Variants in ARHGEF18 observed in about 807,000 individuals in gnomAD.
The protein encoded by ARHGEF18 is Rho/Rac guanine nucleotide exchange factor 18, also known as rho guanine nucleotide exchange factor 18.
ARHGEF18 carries 93 observed loss-of-function variants against 155.7 expected under a neutral mutation model. The observed-to-expected ratio is 0.60, with a 90% CI of 0.50 to 0.71. ARHGEF18 has a LOEUF of 0.71. ARHGEF18 is among the 30% of genes least tolerant of loss of function. The pLI, the probability that ARHGEF18 is intolerant of heterozygous loss-of-function variation, is 0.00. For missense variants in ARHGEF18, 1,593 were observed against 1,816.1 expected (o/e 0.88, Z 2.23); for synonymous variants, 742 against 753.1 (o/e 0.99, Z 0.24).
rs916335135 is a variant in ARHGEF18, at chr19:7,409,768, CTT to C, written c.967+26580_967+26581del. On this transcript the variant is annotated intron_variant, in intron 10 of 28. Coordinates refer to ENST00000668164, the MANE Select transcript of ARHGEF18 (RefSeq NM_001367823.1). ...GTGAGGGGTTTTTCTTTCTTTCTTT[CTT>C]TTTTTTTTTTTTTTATTGAGATGGA... Among the ~76,000 whole-genome samples the C allele has an allele frequency of 9.1e-3, 209 of 23,084 alleles. 6 individuals are homozygous for C. The East Asian group carries it at 0.13, about 15-fold the overall frequency. 15.1% of individuals were successfully genotyped at this position (23,084 alleles called of 152,430 possible). A position where few individuals can be genotyped will look rare whatever the true frequency, so the allele number is the denominator to read the frequency against.
chr19:7,441,765 G>A lies in ARHGEF18; in HGVS notation c.1219G>A (p.Asp407Asn). 2 of 1,614,080 alleles carry A rather than the reference G, an allele frequency of 1.2e-6. No homozygotes were observed. The highest frequency in any genetic ancestry group is 1.7e-6 in the Non-Finnish European group (2 of 1,179,958). Residue 407 changes from aspartate to asparagine, a missense_variant and splice_region_variant, in exon 12 of 29, where the codon GAT (aspartate) becomes AAT (asparagine). By Grantham distance (23) the Asp-to-Asn change is conservative. Coordinates refer to ENST00000668164, the MANE Select transcript of ARHGEF18 (RefSeq NM_001367823.1). ...AAACACCGAGTCCATTTTTGTAGAAGGTATGGTCATCTCCGCTCTCTCGCG... is the reference window on the plus strand; with the variant it reads ...AAACACCGAGTCCATTTTTGTAGAAAGTATGGTCATCTCCGCTCTCTCGCG... The part of the protein sequence containing the change: ...SPNTESIFVE[D>N]PYTASLRSEI...
rs1208053193 is a variant in ARHGEF18, at chr19:7,459,938, C to T, written c.2396C>T (p.Pro799Leu). 2 of 1,589,724 alleles carry T rather than the reference C, an allele frequency of 1.3e-6. No individual in the cohort carries two copies. The highest frequency in any genetic ancestry group is 1.7e-6 in the Non-Finnish European group (2 of 1,168,174). Residue 799 changes from proline to leucine, a missense_variant, in exon 20 of 29, where the codon CCC becomes CTC. By Grantham distance (98) the Pro-to-Leu change is moderately conservative. Transcript: ENST00000668164. Reference sequence around the variant, plus strand: ...GAGGAGGAGGGGCCCTTCAGCCTGCCCGAAGAGGAAAGGAAGGTGGTCGAG... The same window carrying T: ...GAGGAGGAGGGGCCCTTCAGCCTGCTCGAAGAGGAAAGGAAGGTGGTCGAG... ...PDEEEGPFSL[P>L]EEERKVVEAR...
intron 15 of ARHGEF18, among the ~76,000 whole-genome samples, chr19:7,448,228 C>T (rs1173747955): frequency 2.0e-5 from 3 of 152,084 alleles, no homozygotes; most frequent in South Asian, 2.1e-4. Context: ...AGGAGGGTTA[C>T]TCCAGATGGG....
At chr19:7,363,262 G>A (rs1969706823) in intron 2 of ARHGEF18, among the ~76,000 whole-genome samples, 1 of 151,892 alleles carries the variant, frequency 6.6e-6, no homozygotes, top group Non-Finnish European at 1.5e-5. Context: ...AAGGGTGGCT[G>A]GGTGGATGAA....
chr19:7,433,394 G>T (rs1478271447), intron 10 of ARHGEF18, among the ~76,000 whole-genome samples: 1 of 151,562 alleles, frequency 6.6e-6, no homozygotes, highest in Non-Finnish European at 1.5e-5. Flanking sequence ...TTGAACCCAG[G>T]AGGCGGGGTT....
chr19:7,462,868 G>A lies in ARHGEF18; in HGVS notation c.2635+534G>A, dbSNP rs534295031. Among the ~76,000 whole-genome samples, 8 of 134,662 alleles carry A rather than the reference G, an allele frequency of 5.9e-5. No homozygotes were observed. Among genetic ancestry groups the A allele is most frequent in the African/African-American group, 1.7e-4 (6 of 34,808 alleles). 88.3% of individuals were successfully genotyped at this position (134,662 alleles called of 152,430 possible). On this transcript the variant is annotated intron_variant, in intron 21 of 28. Transcript: ENST00000668164. This position sits in a 1 kb window ranked among gnomAD's most constrained non-coding sequence, Gnocchi z 4.4. ...TTTTTTTTTTTTGAGATGGAGTCTC[G>A]CTTTGTCACCCAGGCTGGAGTGCAG...
chr19:7,453,940 G>C (rs111483155), intron 17 of ARHGEF18, among the ~76,000 whole-genome samples: 1 of 152,104 alleles, frequency 6.6e-6, no homozygotes, highest in Non-Finnish European at 1.5e-5. Context: ...TTTTTTATTG[G>C]TGGGTGCCAT....
intron 22 of ARHGEF18, among the ~76,000 whole-genome samples, chr19:7,464,340 T>C (rs1976483557): frequency 6.6e-6 from 1 of 152,096 alleles, no homozygotes; most frequent in African/African-American, 2.4e-5. Context: ...ACCCAGCCGA[T>C]TTTCTGGAAC....
chr19:7,440,075 G>A lies in ARHGEF18; in HGVS notation c.968-269G>A. On this transcript the variant is annotated intron_variant, in intron 10 of 28. Transcript: ENST00000668164. This position sits in a 1 kb window ranked among gnomAD's most constrained non-coding sequence, Gnocchi z 5.4. ...ACGGCGCAGCCCAGCCTGGCGCCGC[G>A]CCGGGTCCCGGAGCCCCGGGCGCGA... The A allele has an allele frequency of 6.5e-7, 1 of 1,550,384 alleles. No individual in the cohort carries two copies. The highest frequency in any genetic ancestry group is 8.7e-7 in the Non-Finnish European group (1 of 1,146,562).
At position 7,355,068 on chromosome 19, in the gene ARHGEF18, TCACACA is replaced by T. The variant is rs60457716; in HGVS notation, c.-111+5868_-111+5873del. Among the ~76,000 whole-genome samples the T allele has an allele frequency of 6.0e-3, 882 of 146,618 alleles. 10 individuals are homozygous for T. The highest frequency in any genetic ancestry group is 0.037 in the East Asian group (180 of 4,908). On this transcript the variant is annotated intron_variant, in intron 1 of 28. Transcript: ENST00000668164. ...CTGACCTCACGGATACCAATGGGCT[TCACACA>T]CACACACACACACACACACACACAC...
Position 7,395,017 on chromosome 19 carries a change from A to G in ARHGEF18, c.967+11814A>G, listed in dbSNP as rs1458603980. On this transcript the variant is annotated intron_variant, in intron 10 of 28. Transcript: ENST00000668164. The surrounding 1 kb of genome is among the most constrained non-coding windows in gnomAD (Gnocchi z 5.0). The stretch of plus-strand genomic sequence containing the variant: ...CCACGGCTCGGGGAGCAGCAGCCCC[A>G]GGTCCCCGGGAGCGCCCCGCCCTCG... 5.6e-5 allele frequency: 55 copies of G among 978,990 alleles called. No homozygotes were observed. Among genetic ancestry groups the G allele is most frequent in the Non-Finnish European group, 6.7e-5 (55 of 824,350 alleles). The allele number at this position is 978,990 out of a possible 1,614,324, so 60.6% of individuals were successfully genotyped here.
intron 2 of ARHGEF18, among the ~76,000 whole-genome samples, chr19:7,371,194 C>G (rs114027868): frequency 3.9e-3 from 598 of 152,234 alleles, no homozygotes; most frequent in African/African-American, 0.013. Flanking sequence ...GCCACCACGC[C>G]AGGCCTGGTC....
chr19:7,461,016 C>T (rs1976212955), intron 20 of ARHGEF18, among the ~76,000 whole-genome samples: 1 of 151,710 alleles, frequency 6.6e-6, no homozygotes, highest in Non-Finnish European at 1.5e-5. Context: ...CTCAATCTCT[C>T]GACCTCGTGA....
intron 2 of ARHGEF18, among the ~76,000 whole-genome samples, chr19:7,364,958 G>C (rs574281234): frequency 6.6e-6 from 1 of 152,144 alleles, no homozygotes; most frequent in South Asian, 2.1e-4. Context: ...GCCCAGGAAG[G>C]GGGCTGAGAA....
intron 10 of ARHGEF18, among the ~76,000 whole-genome samples, chr19:7,385,833 A>ATCTCTCTCTCTCTCTCTCTC (rs762196307): frequency 7.7e-5 from 4 of 51,972 alleles, no homozygotes; most frequent in Non-Finnish European, 1.1e-4. Flanking sequence ...ATCTCTCTCT[A>ATCTCTCTCTCTCTCTCTCTC]TCTCTCTCTC....
intron 10 of ARHGEF18, among the ~76,000 whole-genome samples, chr19:7,398,181 C>T (rs2432106): frequency 0.16 from 23,970 of 151,866 alleles, 4,003 homozygotes; most frequent in African/African-American, 0.42. Context: ...TAAGCAATTT[C>T]GCCTCAGCCT....
chr19:7,422,312 C>T (rs377706030), intron 10 of ARHGEF18, among the ~76,000 whole-genome samples: 20 of 152,140 alleles, frequency 1.3e-4, no homozygotes, highest in Middle Eastern at 3.4e-3. Context: ...CATCTCTGGC[C>T]ACACTCTTCT....
rs1971647370 is a variant in ARHGEF18 at position 7,395,481 on chromosome 19, G to T, written c.967+12278G>T. Among the ~76,000 whole-genome samples the T allele has an allele frequency of 1.3e-5, 2 of 152,056 alleles. No individual in the cohort carries two copies. The highest frequency in any genetic ancestry group is 1.3e-4 in the Admixed American group (2 of 15,268). On this transcript the variant is annotated intron_variant, in intron 10 of 28. Transcript: ENST00000668164. This position sits in a 1 kb window ranked among gnomAD's most constrained non-coding sequence, Gnocchi z 5.0. ...GCAGAGGTGCAGACGATGCCCGCCC[G>T]CTCCGTCCGAGCCCCAGCCAGTCCT... is the stretch of plus-strand genomic sequence containing the variant.
In ARHGEF18 at chr19:7,463,856, A is replaced by G; in HGVS notation, c.2674A>G (p.Ser892Gly). Reference protein sequence around the residue: ...IQSLICRQLGSANGQAEDGGS... With the variant: ...IQSLICRQLGGANGQAEDGGS... ...GAGCCTGATCTGCAGGCAGCTGGGC[A>G]GCGCCAACGGCCAGGCGGAAGACGG... Residue 892 changes from serine to glycine, a missense_variant, in exon 22 of 29, where the codon AGC becomes GGC. Physicochemically the swap from Ser to Gly is moderately conservative, Grantham distance 56. Coordinates refer to ENST00000668164, the MANE Select transcript of ARHGEF18 (RefSeq NM_001367823.1). The surrounding 1 kb of genome is among the most constrained non-coding windows in gnomAD (Gnocchi z 5.2). The G allele has an allele frequency of 6.2e-7, 1 of 1,606,414 alleles. No individual in the cohort carries two copies. Among genetic ancestry groups the G allele is most frequent in the East Asian group, 2.2e-5 (1 of 44,666 alleles).
Sources: gnomAD v4.1 joint callset for allele counts (sites outside exome capture counted in the v4.1 genomes callset) on GRCh38, gnomAD v4.1.1 for gene constraint, Gnocchi (gnomAD v3.1) non-coding constraint, MANE v1.5 for transcripts, NCBI Gene and HGNC (gene_info 2026-07-23, HGNC 2026-07-21) for gene names.